GPBP1L1: variants seen among roughly 807,000 people sequenced by gnomAD.
GPBP1L1 encodes the protein GC-rich promoter binding protein 1 like 1.
GPBP1L1 carries 23 observed loss-of-function variants against 52.5 expected under a neutral mutation model. That is an observed-to-expected ratio of 0.44 (90% CI 0.32 to 0.62). The LOEUF (loss-of-function observed/expected upper bound fraction) is 0.62. Ranked by LOEUF, GPBP1L1 falls within the 20% of genes least tolerant of loss-of-function variation. The pLI is 0.06. For missense variants in GPBP1L1, 596 were observed against 579.3 expected, an observed-to-expected ratio of 1.03 and a Z score of -0.30; for synonymous variants, 243 against 203.1, an observed-to-expected ratio of 1.20 and a Z score of -1.67.
chr1:45,644,713 T>C (rs529168594), intron 6 of GPBP1L1, among the ~76,000 whole-genome samples: 1 of 152,328 alleles, frequency 6.6e-6, no homozygotes, highest in South Asian at 2.1e-4. Flanking sequence ...CTTAGTGGTT[T>C]TGTATTCTTC....
chr1:45,667,603 A>G (rs752274128), intron 2 of GPBP1L1, among the ~76,000 whole-genome samples: 5 of 152,218 alleles, frequency 3.3e-5, no homozygotes, highest in Admixed American at 1.3e-4. Context: ...TCCAGAGTCC[A>G]GTAGCATCAT....
intron 7 of GPBP1L1, 140 bp downstream of exon 7, chr1:45,642,287 G>A (rs779262996): frequency 1.1e-5 from 7 of 647,566 alleles, no homozygotes; most frequent in Middle Eastern, 5.6e-4. Context: ...AGAATAACCC[G>A]CTACAGTCAG....
chr1:45,637,891 G>C (rs1383412248), intron 8 of GPBP1L1, among the ~76,000 whole-genome samples: 1 of 152,116 alleles, frequency 6.6e-6, no homozygotes, highest in Non-Finnish European at 1.5e-5. Context: ...AAAAAAAAGG[G>C]GGGCATTGTT....
intron 2 of GPBP1L1, among the ~76,000 whole-genome samples, chr1:45,664,853 A>AT (rs1456309394): frequency 6.6e-6 from 1 of 151,922 alleles, no homozygotes; most frequent in Non-Finnish European, 1.5e-5. Flanking sequence ...TAATTTTTGT[A>AT]TTTTTAGCAG....
At chr1:45,678,084 A>C (rs1365645502) in intron 2 of GPBP1L1, among the ~76,000 whole-genome samples, 1 of 152,232 alleles carries the variant, frequency 6.6e-6, no homozygotes, top group Admixed American at 6.5e-5. Flanking sequence ...GTATACTTAT[A>C]TGAAACATCC....
intron 2 of GPBP1L1, among the ~76,000 whole-genome samples, chr1:45,672,066 A>G (rs1177552496): frequency 6.6e-6 from 1 of 152,116 alleles, no homozygotes; most frequent in Non-Finnish European, 1.5e-5. Flanking sequence ...ATACCTTTTT[A>G]AAAAGATTTA....
At chr1:45,672,121 G>C (rs917470759) in intron 2 of GPBP1L1, among the ~76,000 whole-genome samples, 3 of 152,144 alleles carry the variant, frequency 2.0e-5, no homozygotes, top group Admixed American at 1.3e-4. Flanking sequence ...CCAGCACTTT[G>C]GGAGGCCAAG....
chr1:45,682,679 AATT>A (rs779084924), intron 2 of GPBP1L1, among the ~76,000 whole-genome samples: 2 of 152,232 alleles, frequency 1.3e-5, no homozygotes, highest in Non-Finnish European at 2.9e-5. Context: ...CTAACAGATC[AATT>A]ATTTGCCTTA....
chr1:45,666,133 C>CA (rs545049450), intron 2 of GPBP1L1, among the ~76,000 whole-genome samples: 2 of 146,616 alleles, frequency 1.4e-5, no homozygotes, highest in African/African-American at 5.0e-5. Context: ...TCTTCAAACA[C>CA]TTTTTTTTTT....
At chr1:45,640,176 T>C in intron 8 of GPBP1L1, 34 bp downstream of exon 8, 1 of 1,519,392 alleles carries the variant, frequency 6.6e-7, no homozygotes. Flanking sequence ...AAACCTCTCT[T>C]GTATAAGGTT....
At chr1:45,656,439 G>A (rs1393212553) in intron 4 of GPBP1L1, among the ~76,000 whole-genome samples, 2 of 151,882 alleles carry the variant, frequency 1.3e-5, no homozygotes, top group Admixed American at 6.6e-5. Flanking sequence ...CATTCGAGTG[G>A]GTAAAAAGAT....
At chr1:45,651,638 T>C (rs1357901686) in intron 6 of GPBP1L1, 12 of 688,758 alleles carry the variant, frequency 1.7e-5, no homozygotes, top group African/African-American at 3.6e-5. Context: ...TCTCTGCTGC[T>C]GCAACCTGAT....
intron 6 of GPBP1L1, among the ~76,000 whole-genome samples, chr1:45,647,486 C>A (rs1282776126): frequency 6.6e-6 from 1 of 152,178 alleles, no homozygotes; most frequent in Non-Finnish European, 1.5e-5. Flanking sequence ...CAAAGTCATC[C>A]CTTCTGCCTG....
chr1:45,662,989 T>C (rs1206452637), intron 2 of GPBP1L1, among the ~76,000 whole-genome samples: 2 of 140,990 alleles, frequency 1.4e-5, no homozygotes. Context: ...AGGCGGAGGT[T>C]ACAGTGAGCC....
chr1:45,670,381 C>T (rs1645059900), intron 2 of GPBP1L1, among the ~76,000 whole-genome samples: 1 of 152,096 alleles, frequency 6.6e-6, no homozygotes, highest in Admixed American at 6.5e-5. Flanking sequence ...TACCTTTTTC[C>T]ACTTCATGGG....
chr1:45,633,516 C>CTGAA lies in GPBP1L1; in HGVS notation c.1016_1017insTTCA (p.Glu339AspfsTer4), dbSNP rs1644556684. Reference sequence around the variant, plus strand: ...CTTCCAGCTTGTCACAGTCTCTATTCTCTGAGAAGTCTCCATTCCGGTCAT... The same window carrying CTGAA: ...CTTCCAGCTTGTCACAGTCTCTATTCTGAATCTGAGAAGTCTCCATTCCGGTCAT... On this transcript the variant is annotated frameshift_variant, in exon 10 of 13. Coordinates refer to ENST00000355105, the MANE Select transcript of GPBP1L1 (RefSeq NM_021639.5). LOFTEE classifies it high-confidence loss of function. 6.2e-7 allele frequency: 1 copy of CTGAA among 1,613,932 alleles called. No individual in the cohort carries two copies. Among genetic ancestry groups the CTGAA allele is most frequent in the Non-Finnish European group, 8.5e-7 (1 of 1,180,022 alleles).
chr1:45,655,148 T>C, intron 5 of GPBP1L1, 42 bp downstream of exon 5: 1 of 1,612,696 alleles, frequency 6.2e-7, no homozygotes, highest in Non-Finnish European at 8.5e-7. Context: ...TTGTCCTAAA[T>C]GAGTAGCTTA....
intron 8 of GPBP1L1, among the ~76,000 whole-genome samples, chr1:45,637,730 A>C (rs991304083): frequency 6.6e-6 from 1 of 152,160 alleles, no homozygotes; most frequent in South Asian, 2.1e-4. Context: ...CAGACATCTT[A>C]AAGTAACACT....
chr1:45,667,339 G>C (rs949332814), intron 2 of GPBP1L1, among the ~76,000 whole-genome samples: 2 of 152,042 alleles, frequency 1.3e-5, no homozygotes, highest in Admixed American at 6.5e-5. Flanking sequence ...CTGAATACTT[G>C]ATCCAACCAT....
Sources: allele counts gnomAD v4.1 joint callset (sites outside exome capture counted in the v4.1 genomes callset), GRCh38; gene constraint gnomAD v4.1.1; transcripts MANE v1.5; gene names NCBI Gene and HGNC (gene_info 2026-07-23, HGNC 2026-07-21).